The following MYLK variants were observed in gnomAD, a reference collection of about 807,000 sequenced individuals.
MYLK encodes the protein myosin light chain kinase.
In MYLK, 106 loss-of-function variants were observed where a neutral mutation model predicts 203.4. The ratio of observed to expected loss-of-function variants is 0.52; its 90% CI spans 0.45 to 0.61. The LOEUF (loss-of-function observed/expected upper bound fraction) is 0.61. Among genes scored for constraint, MYLK ranks in the 20% least tolerant of loss-of-function variants. The pLI is 0.00. For synonymous variants in MYLK, 867 were observed against 959.5 expected (o/e 0.90, Z 1.78); for missense variants, 2,072 against 2,442.3 (o/e 0.85, Z 3.20).
intron 3 of MYLK, among the ~76,000 whole-genome samples, chr3:123,811,465 G>A (rs2065558818): frequency 6.6e-6 from 1 of 152,194 alleles, no homozygotes; most frequent in Admixed American, 6.5e-5. Context: ...AGCCCCAGGA[G>A]CCAGGAAAGT....
At chr3:123,681,997 CCAGGCTGGAGA>C (rs2060282162) in intron 20 of MYLK, 3 of 604,916 alleles carry the variant, frequency 5.0e-6, no homozygotes, top group Admixed American at 4.7e-5. Flanking sequence ...GCAACACCAC[CCAGGCTGGAGA>C]CAGGCTGGAG....
At chr3:123,751,846 A>G (rs2063203015) in intron 5 of MYLK, among the ~76,000 whole-genome samples, 1 of 152,174 alleles carries the variant, frequency 6.6e-6, no homozygotes, top group African/African-American at 2.4e-5. Flanking sequence ...GACTTGAAGG[A>G]TGTGAAAGGA....
intron 33 of MYLK, among the ~76,000 whole-genome samples, chr3:123,615,804 A>G (rs2057455869): frequency 6.6e-6 from 1 of 150,886 alleles, no homozygotes; most frequent in African/African-American, 2.4e-5. Flanking sequence ...ACACACCACC[A>G]CACCCAGCTA....
chr3:123,627,160 TGA>T (rs1255966053), intron 30 of MYLK, among the ~76,000 whole-genome samples: 25 of 152,328 alleles, frequency 1.6e-4, no homozygotes, highest in Admixed American at 5.2e-4. Flanking sequence ...TTGGTGTTAA[TGA>T]AAGCCCAAGC....
chr3:123,883,550 A>G (rs2700410), intron 1 of MYLK, among the ~76,000 whole-genome samples: 20,910 of 152,172 alleles, frequency 0.14, 2,485 homozygotes, highest in East Asian at 0.36. Flanking sequence ...TTTTAGTTCC[A>G]TAAGTTCCAG....
intron 29 of MYLK, among the ~76,000 whole-genome samples, chr3:123,635,976 G>C (rs980683437): frequency 3.9e-5 from 6 of 152,162 alleles, no homozygotes; most frequent in African/African-American, 1.4e-4. Context: ...AGCAAAAAAA[G>C]CCAGACACTT....
chr3:123,764,245 A>G (rs1468818296), intron 4 of MYLK, among the ~76,000 whole-genome samples: 1 of 152,180 alleles, frequency 6.6e-6, no homozygotes, highest in African/African-American at 2.4e-5. Flanking sequence ...GTTCCATAAC[A>G]GAGGATTCCC....
In MYLK at chr3:123,667,181, G is replaced by T. The variant is rs370872760; in HGVS notation, c.3659C>A (p.Ala1220Glu). The change falls in exon 21 of 34, where the codon GCG (alanine) becomes GAG (glutamate). Residue 1220 changes from alanine to glutamate, a missense_variant. Around this residue, in one of 3 missense-constraint regions of MYLK, gnomAD observed 865 missense variants for 1,016.0 expected, o/e 0.85. Coordinates refer to ENST00000360304, the MANE Select transcript of MYLK (RefSeq NM_053025.4). ...GGGGGCAGGTTTCTTTTTCACAGTCGCATCACCTGAAACAAAGAAGTTCAC... is the reference window on the plus strand; with the variant it reads ...GGGGGCAGGTTTCTTTTTCACAGTCTCATCACCTGAAACAAAGAAGTTCAC... Reference protein sequence around the residue: ...LPPVLGTESDATVKKKPAPKT... With the variant: ...LPPVLGTESDETVKKKPAPKT... The T allele has an allele frequency of 6.2e-7, 1 of 1,613,860 alleles. No homozygotes were observed. Among genetic ancestry groups the T allele is most frequent in the Non-Finnish European group, 8.5e-7 (1 of 1,179,910 alleles).
intron 2 of MYLK, among the ~76,000 whole-genome samples, chr3:123,851,729 C>G (rs2030826921): frequency 1.3e-5 from 2 of 151,996 alleles, no homozygotes; most frequent in African/African-American, 2.4e-5. Context: ...AATTGAATAC[C>G]CTTTATTTCT....
chr3:123,734,005 T>C lies in MYLK; in HGVS notation c.991A>G (p.Thr331Ala), dbSNP rs1392677319. The change falls in exon 10 of 34, where the codon ACG (threonine) becomes GCG (alanine). Residue 331 changes from threonine to alanine, a missense_variant. Thr to Ala is a moderately conservative substitution (Grantham distance 58). Transcript: ENST00000360304. Reference sequence around the variant, plus strand: ...TGAAGGACCGGGGTCTGCGGGGCCGTTCTGGGCGAGTCCTTGCATGACTCC... The same window carrying C: ...TGAAGGACCGGGGTCTGCGGGGCCGCTCTGGGCGAGTCCTTGCATGACTCC... Reference protein sequence around the residue: ...KLESCKDSPRTAPQTPVLQKT... With the variant: ...KLESCKDSPRAAPQTPVLQKT... 3 of 1,614,072 alleles carry C rather than the reference T, an allele frequency of 1.9e-6. No individual in the cohort carries two copies. The highest frequency in any genetic ancestry group is 2.5e-6 in the Non-Finnish European group (3 of 1,180,040).
rs1387350020 is a variant in MYLK, at chr3:123,737,553, G to T, written c.589-10C>A. On this transcript the variant is annotated splice_polypyrimidine_tract_variant and intron_variant, in intron 7 of 33. Coordinates refer to ENST00000360304, the MANE Select transcript of MYLK (RefSeq NM_053025.4). ...GCAGTGGAACATTTCCCTGTGGATGGCAATGGGGTAACTTGGTCATACAAA... is the reference window on the plus strand; with the variant it reads ...GCAGTGGAACATTTCCCTGTGGATGTCAATGGGGTAACTTGGTCATACAAA... 1.2e-6 allele frequency: 2 copies of T among 1,614,006 alleles called. No individual in the cohort carries two copies. Among genetic ancestry groups the T allele is most frequent in the Non-Finnish European group, 8.5e-7 (1 of 1,180,008 alleles).
At chr3:123,788,603 G>A (rs570043745) in intron 4 of MYLK, among the ~76,000 whole-genome samples, 3 of 139,590 alleles carry the variant, frequency 2.1e-5, no homozygotes, top group Non-Finnish European at 4.5e-5. Context: ...TGTTCTCATT[G>A]TTAAAGTGCT....
intron 20 of MYLK, among the ~76,000 whole-genome samples, chr3:123,671,894 G>T (rs989690341): frequency 6.6e-6 from 1 of 152,036 alleles, no homozygotes; most frequent in Non-Finnish European, 1.5e-5. Context: ...TCTTTGTCCA[G>T]GACTGTTGGG....
chr3:123,819,786 CCTTT>C (rs1444248902), intron 3 of MYLK, among the ~76,000 whole-genome samples: 2 of 118,148 alleles, frequency 1.7e-5, no homozygotes, highest in Non-Finnish European at 3.5e-5. Flanking sequence ...TTCTAAGCCT[CCTTT>C]TTTTTTTTTT....
Position 123,701,485 on chromosome 3 carries a change from G to A in MYLK, c.2415C>T (p.Cys805=). The A allele has an allele frequency of 2.5e-6, 4 of 1,614,072 alleles. No individual in the cohort carries two copies. The highest frequency in any genetic ancestry group is 3.4e-6 in the Non-Finnish European group (4 of 1,180,024). Residue 805 remains cysteine, a synonymous_variant, in exon 17 of 34, where the codon TGC becomes TGT. Coordinates refer to ENST00000360304, the MANE Select transcript of MYLK (RefSeq NM_053025.4). ...LLKNRVGECS[C]QVSLMLQNSS... is the part of the protein sequence containing the mutation. Reference sequence around the variant, plus strand: ...TGTTCTGTAGCATCAGTGACACCTGGCAACTGCATTCGCCAACCCGGTTCC... The same window carrying A: ...TGTTCTGTAGCATCAGTGACACCTGACAACTGCATTCGCCAACCCGGTTCC...
At chr3:123,694,859 C>G (rs1291422741) in intron 18 of MYLK, among the ~76,000 whole-genome samples, 1 of 152,222 alleles carries the variant, frequency 6.6e-6, no homozygotes. Flanking sequence ...GATGAAGAAT[C>G]TGGTATTTCC....
intron 3 of MYLK, among the ~76,000 whole-genome samples, chr3:123,802,502 C>T (rs1156609015): frequency 6.6e-6 from 1 of 152,262 alleles, no homozygotes; most frequent in African/African-American, 2.4e-5. Context: ...GTGGGAGGAG[C>T]ATTTCTGCTC....
rs997849153 is a variant in MYLK, at chr3:123,725,840, C to T, written c.1651+104G>A. Reference sequence around the variant, plus strand: ...GCCCTGTGCTTCCTTCTCATACCACCAGGATGTCCAAGGCATAAATGGCTC... The same window carrying T: ...GCCCTGTGCTTCCTTCTCATACCACTAGGATGTCCAAGGCATAAATGGCTC... On this transcript the variant is annotated intron_variant, in intron 12 of 33. Transcript: ENST00000360304. 10 of 1,501,936 alleles carry T rather than the reference C, an allele frequency of 6.7e-6. No homozygotes were observed. In the Admixed American group the frequency reaches 9.7e-5, roughly 14 times the overall value. 93.0% of individuals were successfully genotyped at this position (1,501,936 alleles called of 1,614,324 possible).
Position 123,812,728 on chromosome 3 carries a change from A to C in MYLK, c.-4+18820T>G, listed in dbSNP as rs543208828. Among the ~76,000 whole-genome samples, 3 of 152,292 alleles carry C rather than the reference A, an allele frequency of 2.0e-5. No individual in the cohort carries two copies. The South Asian group carries it at 6.2e-4, about 32-fold the overall frequency. ...GGGCCAACTGTTAATCTGTTTGTTC[A>C]CACATCCAGTCAGCTGTGCCTGTCA... On this transcript the variant is annotated intron_variant, in intron 3 of 33. Coordinates refer to ENST00000360304, the MANE Select transcript of MYLK (RefSeq NM_053025.4).
Sources: allele counts gnomAD v4.1 joint callset (sites outside exome capture counted in the v4.1 genomes callset), GRCh38; gene constraint gnomAD v4.1.1; regional missense constraint gnomAD v4.1.1; transcripts MANE v1.5; gene names NCBI Gene and HGNC (gene_info 2026-07-23, HGNC 2026-07-21).